Variants in PLCL1 observed in about 807,000 individuals in gnomAD.
PLCL1 encodes the protein inactive phospholipase C-like protein 1.
PLCL1 carries 41 observed loss-of-function variants against 84.4 expected under a neutral mutation model. The ratio of observed to expected loss-of-function variants is 0.49; its 90% CI spans 0.38 to 0.63. PLCL1 has a LOEUF of 0.63. PLCL1 is among the 30% of genes least tolerant of loss of function. The pLI is 0.00. For missense variants in PLCL1, 1,206 were observed against 1,367.8 expected, an observed-to-expected ratio of 0.88 and a Z score of 1.87; for synonymous variants, 490 against 488.3, an observed-to-expected ratio of 1.00 and a Z score of -0.05.
intron 5 of PLCL1, among the ~76,000 whole-genome samples, chr2:198,112,893 T>C (rs1430770534): frequency 6.6e-6 from 1 of 151,840 alleles, no homozygotes; most frequent in Non-Finnish European, 1.5e-5. Context: ...ACAATGGATA[T>C]CATTGATTAC....
chr2:197,827,015 C>A (rs1345310005), intron 1 of PLCL1, among the ~76,000 whole-genome samples: 1 of 152,148 alleles, frequency 6.6e-6, no homozygotes, highest in African/African-American at 2.4e-5. Context: ...GGTCTACCTA[C>A]TAAATAGTTC....
rs555616183 is a variant in PLCL1, at chr2:197,950,599, C to G, written c.241-133159C>G. 2.0e-5 allele frequency among the ~76,000 whole-genome samples: 3 copies of G among 152,238 alleles called. No homozygotes were observed. In the South Asian group the frequency reaches 6.2e-4, roughly 32 times the overall value. ...GTAGCCGTATTGTAACTCCTAGAAC[C>G]AGTGCCTTGAAAGTACTCTACATGA... On this transcript the variant is annotated intron_variant, in intron 1 of 5. Coordinates refer to ENST00000428675, the MANE Select transcript of PLCL1 (RefSeq NM_006226.4).
At chr2:198,110,109 C>G (rs1693578938) in intron 5 of PLCL1, among the ~76,000 whole-genome samples, 1 of 151,750 alleles carries the variant, frequency 6.6e-6, no homozygotes, top group Non-Finnish European at 1.5e-5. Context: ...ATGAATATAA[C>G]TATTACCTCT....
chr2:198,019,978 C>T (rs1414740321), intron 1 of PLCL1, among the ~76,000 whole-genome samples: 3 of 152,146 alleles, frequency 2.0e-5, no homozygotes, highest in Non-Finnish European at 4.4e-5. Context: ...ATGTTAAGGG[C>T]AGCCAGAGAG....
intron 1 of PLCL1, among the ~76,000 whole-genome samples, chr2:197,862,171 A>G (rs1191445597): frequency 6.6e-6 from 1 of 152,192 alleles, no homozygotes; most frequent in African/African-American, 2.4e-5. Flanking sequence ...AACCTGTTAA[A>G]TGATTATGAG....
At chr2:197,943,985 T>C (rs1689219678) in intron 1 of PLCL1, among the ~76,000 whole-genome samples, 2 of 152,204 alleles carry the variant, frequency 1.3e-5, no homozygotes, top group African/African-American at 2.4e-5. Context: ...GAATGTCCAT[T>C]GCCTCTCTTC....
chr2:198,086,167 G>A lies in PLCL1; in HGVS notation c.2650G>A (p.Asp884Asn). 6.2e-7 allele frequency: 1 copy of A among 1,613,850 alleles called. No individual in the cohort carries two copies. The highest frequency in any genetic ancestry group is 8.5e-7 in the Non-Finnish European group (1 of 1,179,806). ...CAGGAATATCGGTCTTAAAACCATT[G>A]ATGACATCTTTAAAATAGCGGTTCA... The part of the protein sequence containing the change: ...MLRNIGLKTI[D>N]DIFKIAVHPL... The change falls in exon 2 of 6, where the codon GAT (aspartate) becomes AAT (asparagine). Residue 884 changes from aspartate to asparagine, a missense_variant. Physicochemically the swap from Asp to Asn is conservative, Grantham distance 23. Transcript: ENST00000428675.
chr2:198,061,481 G>C (rs1692197965), intron 1 of PLCL1, among the ~76,000 whole-genome samples: 1 of 152,096 alleles, frequency 6.6e-6, no homozygotes, highest in Non-Finnish European at 1.5e-5. Context: ...GCCTAAGAGG[G>C]GAAGGAAGGG....
intron 1 of PLCL1, among the ~76,000 whole-genome samples, chr2:197,879,361 C>A (rs1244463830): frequency 6.6e-6 from 1 of 152,116 alleles, no homozygotes; most frequent in Non-Finnish European, 1.5e-5. Flanking sequence ...AACACAAATG[C>A]CTAAAATGCT....
At chr2:197,845,864 T>A (rs1290159120) in intron 1 of PLCL1, among the ~76,000 whole-genome samples, 2 of 152,134 alleles carry the variant, frequency 1.3e-5, no homozygotes, top group Non-Finnish European at 2.9e-5. Flanking sequence ...TGTGTGTGTA[T>A]GTACTTCTTC....
chr2:197,964,856 T>A (rs951560273), intron 1 of PLCL1, among the ~76,000 whole-genome samples: 13 of 152,172 alleles, frequency 8.5e-5, no homozygotes, highest in African/African-American at 2.9e-4. Context: ...ATGTTTTTTA[T>A]CTTTTATTCT....
At chr2:197,867,287 T>A (rs1172170493) in intron 1 of PLCL1, among the ~76,000 whole-genome samples, 1 of 152,160 alleles carries the variant, frequency 6.6e-6, no homozygotes, top group Non-Finnish European at 1.5e-5. Context: ...AGTATACACA[T>A]AGATAGTGAA....
At chr2:197,909,574 T>C (rs1207410228) in intron 1 of PLCL1, among the ~76,000 whole-genome samples, 11 of 152,140 alleles carry the variant, frequency 7.2e-5, no homozygotes, top group Non-Finnish European at 4.4e-5. Context: ...CAGAGATGAA[T>C]CAAGGCAGTG....
chr2:197,912,488 T>G (rs1459194187), intron 1 of PLCL1, among the ~76,000 whole-genome samples: 6 of 151,830 alleles, frequency 4.0e-5, no homozygotes. Context: ...TAAAGACACA[T>G]GCACACGTAT....
chr2:198,069,990 G>T (rs1001169970), intron 1 of PLCL1, among the ~76,000 whole-genome samples: 2 of 152,224 alleles, frequency 1.3e-5, no homozygotes, highest in East Asian at 3.9e-4. Context: ...CTGAAGATTT[G>T]GGAGTGTGTT....
chr2:197,962,884 T>C (rs1411179874), intron 1 of PLCL1, among the ~76,000 whole-genome samples: 3 of 152,122 alleles, frequency 2.0e-5, no homozygotes, highest in East Asian at 3.9e-4. Flanking sequence ...GTTCTGCCTA[T>C]GTTTTTGCAA....
intron 1 of PLCL1, among the ~76,000 whole-genome samples, chr2:198,047,016 C>T (rs562944572): frequency 1.3e-5 from 2 of 152,032 alleles, no homozygotes; most frequent in Non-Finnish European, 2.9e-5. Context: ...GAAATGGGAA[C>T]ATCAACTTAG....
intron 5 of PLCL1, among the ~76,000 whole-genome samples, chr2:198,117,711 G>A (rs1213525279): frequency 4.0e-5 from 6 of 151,818 alleles, no homozygotes; most frequent in Admixed American, 6.6e-5. Context: ...CAAAGCTAGC[G>A]TATAAAGTCT....
chr2:198,128,617 A>G (rs1338732145), intron 5 of PLCL1, among the ~76,000 whole-genome samples: 1 of 152,134 alleles, frequency 6.6e-6, no homozygotes, highest in Non-Finnish European at 1.5e-5. Flanking sequence ...AGGGTCTGCA[A>G]AACTTCTCAA....
Sources: allele counts gnomAD v4.1 joint callset (sites outside exome capture counted in the v4.1 genomes callset), GRCh38; gene constraint gnomAD v4.1.1; transcripts MANE v1.5; gene names NCBI Gene and HGNC (gene_info 2026-07-23, HGNC 2026-07-21).